The following USP25 variants were observed in gnomAD, a reference collection of about 807,000 sequenced individuals.
USP25 encodes the protein ubiquitin specific peptidase 25.
USP25 carries 85 observed loss-of-function variants against 158.5 expected under a neutral mutation model. That is an observed-to-expected ratio of 0.54 (90% CI 0.45 to 0.64). USP25 has a LOEUF of 0.64. Among genes scored for constraint, USP25 ranks in the 30% least tolerant of loss-of-function variants. USP25 has a pLI of 0.00. For missense variants in USP25, 1,242 were observed against 1,327.3 expected, an observed-to-expected ratio of 0.94 and a Z score of 1.00; for synonymous variants, 464 against 460.4, an observed-to-expected ratio of 1.01 and a Z score of -0.10.
intron 23 of USP25, among the ~76,000 whole-genome samples, chr21:15,872,819 T>G (rs1334323804): frequency 2.6e-5 from 4 of 152,146 alleles, no homozygotes; most frequent in Admixed American, 2.6e-4. Flanking sequence ...ATGGATTTAT[T>G]TTGTATCTAA....
intron 21 of USP25, among the ~76,000 whole-genome samples, chr21:15,865,795 G>A (rs147662152): frequency 2.0e-5 from 3 of 152,028 alleles, no homozygotes; most frequent in East Asian, 1.9e-4. Context: ...AATACATTTC[G>A]TGAGGATTTC....
At chr21:15,809,188 A>G (rs2146286407) in intron 8 of USP25, among the ~76,000 whole-genome samples, 1 of 152,294 alleles carries the variant, frequency 6.6e-6, no homozygotes. Context: ...AATTGTGACA[A>G]AATCCTTTTA....
At chr21:15,874,806 A>T (rs543224364) in intron 24 of USP25, among the ~76,000 whole-genome samples, 2 of 152,060 alleles carry the variant, frequency 1.3e-5, no homozygotes, top group South Asian at 2.1e-4. Context: ...TCACACTACC[A>T]CTCCTTTTTT....
In USP25 at chr21:15,800,645, G is replaced by A. The variant is rs181035297; in HGVS notation, c.642+802G>A. ...ATATAGTTGCGTGTAGGGCTTTAGTGGTTGATCTTGTCATAAACAATCTGT... is the reference window on the plus strand; with the variant it reads ...ATATAGTTGCGTGTAGGGCTTTAGTAGTTGATCTTGTCATAAACAATCTGT... On this transcript the variant is annotated intron_variant, in intron 6 of 25. Coordinates refer to ENST00000400183, the MANE Select transcript of USP25 (RefSeq NM_001283041.3). Among the ~76,000 whole-genome samples, 5 of 151,630 alleles carry A rather than the reference G, an allele frequency of 3.3e-5. No homozygotes were observed. The East Asian group carries it at 9.7e-4, about 29-fold the overall frequency.
chr21:15,762,147 A>G (rs2033767328), intron 1 of USP25, among the ~76,000 whole-genome samples: 1 of 122,590 alleles, frequency 8.2e-6, no homozygotes, highest in South Asian at 2.4e-4. Flanking sequence ...ATTTCAATAG[A>G]TCCTATTCTA....
intron 6 of USP25, among the ~76,000 whole-genome samples, chr21:15,804,477 G>A (rs965438927): frequency 2.0e-5 from 3 of 151,674 alleles, no homozygotes; most frequent in African/African-American, 7.2e-5. Context: ...AATTTTATAA[G>A]TAATTTTTAT....
At chr21:15,852,433 A>G (rs964528044) in intron 20 of USP25, among the ~76,000 whole-genome samples, 4 of 152,098 alleles carry the variant, frequency 2.6e-5, no homozygotes, top group Non-Finnish European at 5.9e-5. Flanking sequence ...TTAAATAACT[A>G]TTTATTTTAT....
chr21:15,763,876 A>T (rs2033882120), intron 2 of USP25, among the ~76,000 whole-genome samples: 1 of 152,168 alleles, frequency 6.6e-6, no homozygotes, highest in African/African-American at 2.4e-5. Context: ...CTATGAGATA[A>T]GTATTAGTTT....
chr21:15,777,900 T>G lies in USP25; in HGVS notation c.269-4T>G. 6.3e-7 allele frequency: 1 copy of G among 1,576,578 alleles called. No individual in the cohort carries two copies. The highest frequency in any genetic ancestry group is 1.2e-5 in the South Asian group (1 of 83,882). On this transcript the variant is annotated splice_region_variant and splice_polypyrimidine_tract_variant and intron_variant, in intron 3 of 25. Transcript: ENST00000400183. ...ATTTTGAGAAAGATAGTTTTGCTTT[T>G]CAGATGTGATTGATCTCACTGGAGA...
At chr21:15,786,301 A>T (rs1419585122) in intron 4 of USP25, among the ~76,000 whole-genome samples, 1 of 152,158 alleles carries the variant, frequency 6.6e-6, no homozygotes, top group Non-Finnish European at 1.5e-5. Context: ...GGCCAGCATT[A>T]CCCTGATTCA....
chr21:15,853,201 TATATC>T (rs1312134258), intron 20 of USP25, among the ~76,000 whole-genome samples: 1 of 151,560 alleles, frequency 6.6e-6, no homozygotes, highest in South Asian at 2.1e-4. Flanking sequence ...TTTTGTAACT[TATATC>T]ACTCAGAAAT....
chr21:15,776,003 T>C lies in USP25; in HGVS notation c.269-1901T>C, dbSNP rs187875704. 2.1e-3 allele frequency among the ~76,000 whole-genome samples: 314 copies of C among 152,244 alleles called. 1 individual carries two copies. Among genetic ancestry groups the C allele is most frequent in the Middle Eastern group, 0.014 (4 of 294 alleles). Reference sequence around the variant, plus strand: ...GTGATTTTCAAATTTTTTCCACTTTTCATTATCCTTTCTCTACTTAGACCT... The same window carrying C: ...GTGATTTTCAAATTTTTTCCACTTTCCATTATCCTTTCTCTACTTAGACCT... On this transcript the variant is annotated intron_variant, in intron 3 of 25. Transcript: ENST00000400183.
chr21:15,782,873 C>G (rs1600894680), intron 4 of USP25, among the ~76,000 whole-genome samples: 1 of 152,164 alleles, frequency 6.6e-6, no homozygotes, highest in Non-Finnish European at 1.5e-5. Flanking sequence ...ACCCCCAAAC[C>G]TGGCACCACA....
intron 23 of USP25, among the ~76,000 whole-genome samples, chr21:15,871,309 A>G (rs554145522): frequency 1.3e-5 from 2 of 152,334 alleles, no homozygotes; most frequent in Admixed American, 6.5e-5. Flanking sequence ...AGTTATGTCA[A>G]TCAAGATTTT....
chr21:15,825,089 A>G lies in USP25; in HGVS notation c.1304+28A>G, dbSNP rs375677481. 6.0e-6 allele frequency: 9 copies of G among 1,509,074 alleles called. No homozygotes were observed. In the African/African-American group the frequency reaches 8.4e-5, roughly 14 times the overall value. 93.5% of individuals were successfully genotyped at this position (1,509,074 alleles called of 1,614,324 possible). On this transcript the variant is annotated intron_variant, in intron 12 of 25. Transcript: ENST00000400183. ...ATTTTAACTTTTATGAAATTAGGAGATAATTATCAGAAACCATGTATTTGG... is the reference window on the plus strand; with the variant it reads ...ATTTTAACTTTTATGAAATTAGGAGGTAATTATCAGAAACCATGTATTTGG...
intron 2 of USP25, among the ~76,000 whole-genome samples, chr21:15,763,790 C>T (rs560643641): frequency 3.3e-5 from 5 of 152,036 alleles, no homozygotes; most frequent in East Asian, 1.9e-4. Flanking sequence ...TAAGTAGTAC[C>T]GATTAAACAT....
intron 17 of USP25, among the ~76,000 whole-genome samples, chr21:15,836,031 A>G (rs1171208317): frequency 6.6e-6 from 1 of 152,096 alleles, no homozygotes; most frequent in Non-Finnish European, 1.5e-5. Context: ...GATTCTTCTC[A>G]TGGTTTTCAA....
intron 7 of USP25, among the ~76,000 whole-genome samples, chr21:15,807,586 C>T (rs915617509): frequency 5.3e-5 from 8 of 152,156 alleles, no homozygotes; most frequent in Admixed American, 2.0e-4. Context: ...TTGCTTCCAC[C>T]GTACTCTGGT....
chr21:15,758,464 TC>T (rs2033528596), intron 1 of USP25, among the ~76,000 whole-genome samples: 1 of 152,096 alleles, frequency 6.6e-6, no homozygotes, highest in African/African-American at 2.4e-5. Flanking sequence ...AAAGAGCAGT[TC>T]CCCTGAAGAT....
Sources: allele counts gnomAD v4.1 joint callset (sites outside exome capture counted in the v4.1 genomes callset), GRCh38; gene constraint gnomAD v4.1.1; transcripts MANE v1.5; gene names NCBI Gene and HGNC (gene_info 2026-07-23, HGNC 2026-07-21).